The following ITPR2 variants were observed in gnomAD, a reference collection of about 807,000 sequenced individuals.
The protein encoded by ITPR2 is inositol 1,4,5-trisphosphate-gated calcium channel ITPR2.
Under a neutral mutation model 317.1 loss-of-function variants are expected in ITPR2, and 207 were observed. The observed-to-expected ratio is 0.65, with a 90% CI of 0.58 to 0.73. The LOEUF (loss-of-function observed/expected upper bound fraction) is 0.73, where lower values mean the gene tolerates loss of function less well. Ranked by LOEUF, ITPR2 falls within the 30% of genes least tolerant of loss-of-function variation. The pLI is 0.00. For missense variants in ITPR2, 2,613 were observed against 3,284.0 expected (o/e 0.80, Z 4.99); for synonymous variants, 1,156 against 1,149.1 (o/e 1.01, Z -0.12).
intron 34 of ITPR2, among the ~76,000 whole-genome samples, chr12:26,568,874 T>C (rs1945079901): frequency 6.6e-6 from 1 of 152,216 alleles, no homozygotes; most frequent in Admixed American, 6.5e-5. Context: ...ACATCAAATA[T>C]ATTAAATTCA....
chr12:26,822,396 GT>G (rs1227726160), intron 1 of ITPR2, among the ~76,000 whole-genome samples: 1 of 152,090 alleles, frequency 6.6e-6, no homozygotes, highest in Non-Finnish European at 1.5e-5. Context: ...AAAAGAGAGC[GT>G]GATGGACTCC....
intron 55 of ITPR2, among the ~76,000 whole-genome samples, chr12:26,365,385 T>G (rs913863927): frequency 1.3e-5 from 2 of 152,232 alleles, no homozygotes; most frequent in Admixed American, 6.5e-5. Flanking sequence ...GACTCTTTTT[T>G]TCTTTTTCCT....
chr12:26,547,465 A>G (rs1944417065), intron 37 of ITPR2, among the ~76,000 whole-genome samples: 1 of 152,246 alleles, frequency 6.6e-6, no homozygotes, highest in East Asian at 1.9e-4. Context: ...AATGTAAACT[A>G]GTAGAGCCAC....
In ITPR2 at chr12:26,339,397, T is replaced by A. The variant is rs745712964; in HGVS notation, c.8106A>T (p.Ter2702CysextTer7). Reference protein sequence around the residue: ...PHVNHHMPPH* With the variant: ...PHVNHHMPPHC ...CTAGTCACGGCTTCCCCCCATGGTA[T>A]CAGTGTGGTGGCATGTGATGATTCA... Residue 2702 changes from the stop codon to cysteine, a stop_lost, in exon 57 of 57, where the codon TGA becomes TGT. Transcript: ENST00000381340. The A allele has an allele frequency of 1.8e-5, 29 of 1,612,358 alleles. No homozygotes were observed. The East Asian group carries it at 6.5e-4, about 36-fold the overall frequency.
At chr12:26,649,831 A>ATC (rs1410952352) in intron 21 of ITPR2, among the ~76,000 whole-genome samples, 2 of 152,132 alleles carry the variant, frequency 1.3e-5, no homozygotes, top group Admixed American at 6.6e-5. Flanking sequence ...ATAGACAGAC[A>ATC]GACAGATAGA....
chr12:26,722,780 T>C (rs1275746950), intron 4 of ITPR2, among the ~76,000 whole-genome samples: 7 of 151,396 alleles, frequency 4.6e-5, no homozygotes, highest in Admixed American at 3.9e-4. Flanking sequence ...GTCGGCATAA[T>C]AGGGAAAAAA....
chr12:26,777,645 T>C (rs191242656), intron 2 of ITPR2, among the ~76,000 whole-genome samples: 1 of 152,318 alleles, frequency 6.6e-6, no homozygotes, highest in East Asian at 1.9e-4. Context: ...ACTTAATTTA[T>C]AGAAGCAGAA....
chr12:26,348,553 C>G (rs1427840735), intron 55 of ITPR2, among the ~76,000 whole-genome samples: 1 of 152,176 alleles, frequency 6.6e-6, no homozygotes, highest in Non-Finnish European at 1.5e-5. Flanking sequence ...AGGTGGGCAA[C>G]AAAACAACTG....
chr12:26,462,513 G>A (rs530382337), intron 45 of ITPR2, among the ~76,000 whole-genome samples: 3 of 151,734 alleles, frequency 2.0e-5, no homozygotes, highest in Non-Finnish European at 4.4e-5. Flanking sequence ...TGTGCCTGGC[G>A]GGAAAAACTA....
chr12:26,610,951 C>A (rs1204047201), intron 26 of ITPR2, among the ~76,000 whole-genome samples: 1 of 152,236 alleles, frequency 6.6e-6, no homozygotes. Context: ...TCTCCCCGCA[C>A]AGGAGTGCTG....
chr12:26,340,202 G>T lies in ITPR2; in HGVS notation c.7984C>A (p.Gln2662Lys). The T allele has an allele frequency of 6.2e-7, 1 of 1,608,714 alleles. No individual in the cohort carries two copies. ...KLESTMSLVK[Q>K]LSGQLAELKE... ...AGCTCCGCCAGCTGACCCGACAGCT[G>T]TTTGACCAGACTCATGGTCGATTCC... Residue 2662 changes from glutamine to lysine, a missense_variant, in exon 56 of 57, where the codon CAG becomes AAG. Gln to Lys is a moderately conservative substitution (Grantham distance 53). This residue lies in a region of ITPR2 where 119 missense variants were observed against 144.3 expected (regional missense o/e 0.82). Coordinates refer to ENST00000381340, the MANE Select transcript of ITPR2 (RefSeq NM_002223.4).
At chr12:26,422,232 A>G (rs1020183747) in intron 49 of ITPR2, among the ~76,000 whole-genome samples, 131 of 150,562 alleles carry the variant, frequency 8.7e-4, no homozygotes, top group African/African-American at 2.9e-3. Flanking sequence ...ACTATGAAGT[A>G]TATATGAAAA....
At chr12:26,723,980 CAACATGGTTTTTATA>C (rs1948879953) in intron 4 of ITPR2, among the ~76,000 whole-genome samples, 1 of 152,160 alleles carries the variant, frequency 6.6e-6, no homozygotes, top group African/African-American at 2.4e-5. Context: ...CCAGACTTTA[CAACATGGTTTTTATA>C]AACATGCCTT....
chr12:26,370,087 C>T (rs559436771), intron 55 of ITPR2, among the ~76,000 whole-genome samples: 3 of 152,190 alleles, frequency 2.0e-5, no homozygotes, highest in Non-Finnish European at 4.4e-5. Flanking sequence ...GATCTGTGTC[C>T]TTTATAATAA....
chr12:26,616,310 T>C (rs954471982), intron 26 of ITPR2, among the ~76,000 whole-genome samples: 5 of 152,054 alleles, frequency 3.3e-5, no homozygotes, highest in East Asian at 3.9e-4. Context: ...GCTAATTTTT[T>C]GTATTTTTAG....
chr12:26,737,440 G>C (rs747452218), intron 2 of ITPR2, among the ~76,000 whole-genome samples: 6 of 152,028 alleles, frequency 3.9e-5, no homozygotes, highest in Non-Finnish European at 8.8e-5. Context: ...ATTTTTAGTA[G>C]AGATGGGTTT....
At chr12:26,772,814 G>A (rs1052450254) in intron 2 of ITPR2, among the ~76,000 whole-genome samples, 1 of 151,122 alleles carries the variant, frequency 6.6e-6, no homozygotes, top group Non-Finnish European at 1.5e-5. Context: ...GTGTACATGT[G>A]TCATGGTGGT....
intron 1 of ITPR2, among the ~76,000 whole-genome samples, chr12:26,829,464 G>C (rs1025769999): frequency 5.9e-5 from 9 of 151,960 alleles, no homozygotes; most frequent in South Asian, 2.1e-4. Flanking sequence ...CCAAGTGGCT[G>C]AGACCAGCTG....
intron 2 of ITPR2, among the ~76,000 whole-genome samples, chr12:26,781,992 GTATATATATATATATATA>G (rs1161714052): frequency 9.1e-4 from 52 of 57,010 alleles, no homozygotes; most frequent in African/African-American, 1.6e-3. Context: ...AAACTCCCCT[GTATATATATATATATATA>G]TATATATATA....
Sources: gnomAD v4.1 joint callset for allele counts (sites outside exome capture counted in the v4.1 genomes callset) on GRCh38, gnomAD v4.1.1 for gene constraint, gnomAD v4.1.1 regional missense constraint, MANE v1.5 for transcripts, NCBI Gene and HGNC (gene_info 2026-07-23, HGNC 2026-07-21) for gene names.